Variants in DLG2 observed in about 807,000 individuals in gnomAD.
The protein encoded by DLG2 is disks large homolog 2.
DLG2 carries 45 observed loss-of-function variants against 132.5 expected under a neutral mutation model. That is an observed-to-expected ratio of 0.34 (90% CI 0.27 to 0.44). DLG2 has a LOEUF of 0.44. DLG2 is among the 20% of genes least tolerant of loss of function. DLG2 has a pLI of 1.00. For synonymous variants in DLG2, 424 were observed against 419.6 expected (o/e 1.01, Z -0.13); for missense variants, 1,045 against 1,196.9 (o/e 0.87, Z 1.87).
intron 7 of DLG2, among the ~76,000 whole-genome samples, chr11:84,379,983 A>G (rs1033682797): frequency 1.1e-4 from 17 of 152,070 alleles, no homozygotes; most frequent in African/African-American, 4.1e-4. Context: ...AAGTAACACA[A>G]CTAAATATGG....
At chr11:83,640,800 G>A (rs898895064) in intron 18 of DLG2, among the ~76,000 whole-genome samples, 4 of 152,130 alleles carry the variant, frequency 2.6e-5, no homozygotes, top group African/African-American at 7.2e-5. Flanking sequence ...ATGGAAAGAC[G>A]CTAATACAGT....
intron 3 of DLG2, among the ~76,000 whole-genome samples, chr11:85,566,146 T>C (rs1215375778): frequency 3.9e-5 from 6 of 152,214 alleles, no homozygotes; most frequent in African/African-American, 9.6e-5. Flanking sequence ...CATTTGTATA[T>C]CTTTTTAGGA....
chr11:83,579,904 A>C (rs900605599), intron 19 of DLG2, among the ~76,000 whole-genome samples: 58 of 151,776 alleles, frequency 3.8e-4, no homozygotes, highest in Non-Finnish European at 7.4e-4. Context: ...TGGGAGGTGG[A>C]GGGTGCAGTG....
intron 19 of DLG2, among the ~76,000 whole-genome samples, chr11:83,577,736 T>C (rs1469339162): frequency 7.9e-6 from 1 of 126,706 alleles, no homozygotes; most frequent in African/African-American, 3.0e-5. Context: ...ATCCTATAAA[T>C]AGGATATTAT....
intron 19 of DLG2, among the ~76,000 whole-genome samples, chr11:83,542,631 T>A (rs2096112378): frequency 6.6e-6 from 1 of 152,190 alleles, no homozygotes; most frequent in African/African-American, 2.4e-5. Flanking sequence ...TTGCTAAGCA[T>A]TTGTTAAGGC....
chr11:83,475,996 C>T (rs1171926390), intron 22 of DLG2, among the ~76,000 whole-genome samples: 1 of 152,046 alleles, frequency 6.6e-6, no homozygotes, highest in African/African-American at 2.4e-5. Flanking sequence ...CCACAAAACA[C>T]TATGTGTTTA....
At chr11:84,223,931 C>T (rs1256267526) in intron 8 of DLG2, among the ~76,000 whole-genome samples, 1 of 152,164 alleles carries the variant, frequency 6.6e-6, no homozygotes, top group African/African-American at 2.4e-5. Flanking sequence ...GGCACACATG[C>T]TTATATTAGC....
chr11:85,586,077 C>T (rs1461583536), intron 3 of DLG2, among the ~76,000 whole-genome samples: 2 of 152,198 alleles, frequency 1.3e-5, no homozygotes, highest in African/African-American at 4.8e-5. Flanking sequence ...ATGAAAACCA[C>T]TTGATTATGG....
intron 6 of DLG2, among the ~76,000 whole-genome samples, chr11:84,922,063 G>A (rs1373473389): frequency 6.6e-6 from 1 of 151,768 alleles, no homozygotes; most frequent in Non-Finnish European, 1.5e-5. Context: ...AGAGTGAGCA[G>A]CAGGGAGTTC....
intron 3 of DLG2, among the ~76,000 whole-genome samples, chr11:85,431,794 C>A (rs2153014723): frequency 6.6e-6 from 1 of 152,370 alleles, no homozygotes; most frequent in African/African-American, 2.4e-5. Context: ...GCACAGCACA[C>A]ACTCTCCACC....
At chr11:83,841,982 G>A (rs568554975) in intron 16 of DLG2, among the ~76,000 whole-genome samples, 3 of 152,226 alleles carry the variant, frequency 2.0e-5, no homozygotes, top group South Asian at 2.1e-4. Context: ...AGTAAGGAGC[G>A]GCCAGCCTTC....
At chr11:84,826,677 C>T (rs1410898112) in intron 6 of DLG2, among the ~76,000 whole-genome samples, 3 of 151,612 alleles carry the variant, frequency 2.0e-5, no homozygotes, top group East Asian at 3.9e-4. Context: ...TTCATTTGTG[C>T]CTCACATGGT....
intron 6 of DLG2, among the ~76,000 whole-genome samples, chr11:84,777,463 C>T (rs953206398): frequency 2.6e-5 from 4 of 151,214 alleles, no homozygotes; most frequent in Admixed American, 2.0e-4. Context: ...GAGCAGATAG[C>T]TTAGAGTGGG....
At chr11:83,617,409 T>C (rs1294657145) in intron 19 of DLG2, among the ~76,000 whole-genome samples, 1 of 152,258 alleles carries the variant, frequency 6.6e-6, no homozygotes, top group Non-Finnish European at 1.5e-5. Flanking sequence ...CTGTCAATGA[T>C]ATGTTTAGTT....
chr11:85,110,818 CT>C (rs1234848569), intron 6 of DLG2, among the ~76,000 whole-genome samples: 2 of 152,128 alleles, frequency 1.3e-5, no homozygotes, highest in East Asian at 3.9e-4. Flanking sequence ...CCACATATTA[CT>C]TTTCCATTGC....
At chr11:83,839,163 C>T (rs2056972196) in intron 16 of DLG2, among the ~76,000 whole-genome samples, 1 of 152,030 alleles carries the variant, frequency 6.6e-6, no homozygotes, top group East Asian at 1.9e-4. Flanking sequence ...TTTATTTTAC[C>T]TGGACCCCAT....
intron 17 of DLG2, among the ~76,000 whole-genome samples, chr11:83,821,138 C>G (rs772351546): frequency 2.0e-5 from 3 of 152,176 alleles, no homozygotes; most frequent in Non-Finnish European, 4.4e-5. Flanking sequence ...TCCATACTAG[C>G]TGGAAAGTTC....
chr11:84,163,536 G>T (rs1490779362), intron 8 of DLG2, 25 bp from the exon 9 acceptor site: 3 of 1,580,346 alleles, frequency 1.9e-6, no homozygotes, highest in Non-Finnish European at 2.6e-6. Flanking sequence ...AAAATAAGAA[G>T]AGAACTATTA....
chr11:83,877,047 C>T (rs1302227985), intron 15 of DLG2, among the ~76,000 whole-genome samples: 2 of 152,008 alleles, frequency 1.3e-5, no homozygotes, highest in Non-Finnish European at 2.9e-5. Context: ...TCTTCAGATG[C>T]GTTTCCCAAA....
Sources: gnomAD v4.1 joint callset for allele counts (sites outside exome capture counted in the v4.1 genomes callset) on GRCh38, gnomAD v4.1.1 for gene constraint, MANE v1.5 for transcripts, NCBI Gene and HGNC (gene_info 2026-07-23, HGNC 2026-07-21) for gene names.